The following IFNGR1 variants were observed in gnomAD, a reference collection of about 807,000 sequenced individuals.
IFNGR1 encodes the protein interferon gamma receptor 1, also known as AVP, type 2.
IFNGR1 carries 23 observed loss-of-function variants against 35.4 expected under a neutral mutation model. That is an observed-to-expected ratio of 0.65 (90% CI 0.47 to 0.92). IFNGR1 has a LOEUF of 0.92. Ranked by LOEUF, IFNGR1 falls within the 40% of genes least tolerant of loss-of-function variation. The pLI, the probability that IFNGR1 is intolerant of heterozygous loss-of-function variation, is 0.00. For missense variants in IFNGR1, 533 were observed against 583.4 expected (o/e 0.91, Z 0.89); for synonymous variants, 199 against 209.5 (o/e 0.95, Z 0.43).
chr6:137,211,501 A>G (rs186964780), intron 1 of IFNGR1, among the ~76,000 whole-genome samples: 21 of 152,080 alleles, frequency 1.4e-4, no homozygotes, highest in African/African-American at 4.8e-4. Context: ...TACTAACTTG[A>G]CCTTTTTGTG....
chr6:137,219,101 C>G, intron 1 of IFNGR1, 142 bp downstream of exon 1: 1 of 1,078,616 alleles, frequency 9.3e-7, no homozygotes, highest in Non-Finnish European at 1.3e-6. Context: ...CACCTCGCGT[C>G]CCCGTCGCCC....
intron 1 of IFNGR1, among the ~76,000 whole-genome samples, chr6:137,209,272 A>C (rs1174214647): frequency 1.3e-5 from 2 of 152,188 alleles, no homozygotes; most frequent in African/African-American, 4.8e-5. Context: ...TTTTGGGTTA[A>C]TGCTGAAATG....
chr6:137,214,074 A>C (rs1396875033), intron 1 of IFNGR1, among the ~76,000 whole-genome samples: 1 of 152,242 alleles, frequency 6.6e-6, no homozygotes, highest in Non-Finnish European at 1.5e-5. Flanking sequence ...ATTCTAAGTC[A>C]TCTGACACTA....
intron 6 of IFNGR1, among the ~76,000 whole-genome samples, chr6:137,199,891 AT>A (rs906283054): frequency 4.0e-5 from 6 of 151,810 alleles, no homozygotes; most frequent in Admixed American, 3.9e-4. Context: ...TTATGAAATT[AT>A]TTCCTTATAA....
At position 137,215,252 on chromosome 6, in the gene IFNGR1, T is replaced by G. The variant is rs1269380748; in HGVS notation, c.85+3991A>C. 3 of 1,544,740 alleles carry G rather than the reference T, an allele frequency of 1.9e-6. No individual in the cohort carries two copies. The South Asian group carries it at 3.6e-5, about 19-fold the overall frequency. On this transcript the variant is annotated intron_variant, in intron 1 of 6. Transcript: ENST00000367739. ...ACATCTTTGTGATCGTTTAATAAAA[T>G]AAGGGGTAAATTACCTCCATATTTA...
chr6:137,206,889 G>A, intron 2 of IFNGR1, 74 bp downstream of exon 2: 1 of 1,157,660 alleles, frequency 8.6e-7, no homozygotes, highest in South Asian at 1.3e-5. Flanking sequence ...GCTGATGAAA[G>A]AACACAGTTG....
At chr6:137,218,454 C>T (rs1779759762) in intron 1 of IFNGR1, 1 of 1,283,422 alleles carries the variant, frequency 7.8e-7, no homozygotes, top group African/African-American at 1.5e-5. Context: ...GACCTACTGC[C>T]AAATCTGCTA....
Position 137,204,340 on chromosome 6 carries a change from C to T in IFNGR1, c.538G>A (p.Gly180Arg), listed in dbSNP as rs137854904. 6.1e-4 allele frequency: 987 copies of T among 1,613,306 alleles called. 8 individuals carry two copies. The highest frequency in any genetic ancestry group is 5.5e-3 in the South Asian group (503 of 91,062). ...AAATGTGAAACACATACCTCACTTC[C>T]GTTCATTCTCACATACACATTGTAC... ...RVYNVYVRMN[G>R]SEIQYKILTQ... The change falls in exon 4 of 7, where the codon GGA becomes AGA. Residue 180 changes from glycine (G) to arginine (R), a missense_variant. Transcript: ENST00000367739.
intron 1 of IFNGR1, among the ~76,000 whole-genome samples, chr6:137,217,841 A>C (rs1779743909): frequency 6.6e-6 from 1 of 152,218 alleles, no homozygotes; most frequent in South Asian, 2.1e-4. Context: ...AAGCTCTCAC[A>C]CACACTTTAC....
intron 2 of IFNGR1, 104 bp from the exon 3 acceptor site, chr6:137,206,412 A>T: frequency 1.2e-6 from 1 of 839,010 alleles, no homozygotes; most frequent in Middle Eastern, 3.3e-4. Flanking sequence ...AAAGCGGTAG[A>T]AAGAGCAGAG....
At chr6:137,217,448 G>A (rs917062290) in intron 1 of IFNGR1, among the ~76,000 whole-genome samples, 4 of 152,120 alleles carry the variant, frequency 2.6e-5, no homozygotes, top group Non-Finnish European at 5.9e-5. Context: ...AACCCTCTAC[G>A]AGAATGTCCT....
At position 137,200,976 on chromosome 6, in the gene IFNGR1, G is replaced by A; in HGVS notation, c.766C>T (p.Leu256=). The A allele has an allele frequency of 6.2e-7, 1 of 1,613,326 alleles. No homozygotes were observed. The change falls in exon 6 of 7, where the codon CTA becomes TTA. Residue 256 remains leucine, a synonymous_variant. Transcript: ENST00000367739. ...SLWIPVVAAL[L]LFLVLSLVFI... is the part of the protein sequence containing the mutation. ...ACCAGGCTAAGCACTAGAAAGAGTA[G>A]TAAAGCAGCAACAACTGGAATCCAA...
Position 137,207,058 on chromosome 6 carries a change from A to T in IFNGR1, c.105T>A (p.Val35=). 1 of 1,614,058 alleles carries T rather than the reference A, an allele frequency of 6.2e-7. No homozygotes were observed. Among genetic ancestry groups the T allele is most frequent in the Non-Finnish European group, 8.5e-7 (1 of 1,179,922 alleles). Residue 35 remains valine (V), a synonymous_variant, in exon 2 of 7, where the codon GTT becomes GTA. Coordinates refer to ENST00000367739, the MANE Select transcript of IFNGR1 (RefSeq NM_000416.3). ...GPSSVPTPTN[V]TIESYNMNPI... ...GGTTCATGTTATAGGATTCAATTGTAACATTAGTTGGTGTAGGCACTGTAA... is the reference window on the plus strand; with the variant it reads ...GGTTCATGTTATAGGATTCAATTGTTACATTAGTTGGTGTAGGCACTGTAA...
intron 5 of IFNGR1, among the ~76,000 whole-genome samples, chr6:137,201,494 G>A (rs1453535919): frequency 1.3e-5 from 2 of 152,114 alleles, no homozygotes; most frequent in Non-Finnish European, 2.9e-5. Context: ...CCAACATGGT[G>A]AAACCCCATC....
chr6:137,208,967 G>C (rs1400898687), intron 1 of IFNGR1, among the ~76,000 whole-genome samples: 2 of 152,230 alleles, frequency 1.3e-5, no homozygotes, highest in African/African-American at 2.4e-5. Context: ...CACAGGGGCA[G>C]AGCTGCTCAA....
chr6:137,208,903 C>T (rs1779511712), intron 1 of IFNGR1, among the ~76,000 whole-genome samples: 2 of 152,184 alleles, frequency 1.3e-5, no homozygotes, highest in South Asian at 4.1e-4. Flanking sequence ...AAGCTGCAGA[C>T]ATTTGATGGC....
intron 2 of IFNGR1, 156 bp downstream of exon 2, chr6:137,206,807 T>C (rs1779440900): frequency 1.6e-6 from 1 of 623,258 alleles, no homozygotes; most frequent in Non-Finnish European, 2.8e-6. Flanking sequence ...AAGAAATATT[T>C]GGCAAAGAAT....
At chr6:137,219,098 C>G (rs1779781655) in intron 1 of IFNGR1, 145 bp downstream of exon 1, 2 of 1,028,876 alleles carry the variant, frequency 1.9e-6, no homozygotes, top group South Asian at 3.0e-5. Context: ...CCCCACCTCG[C>G]GTCCCCGTCG....
At chr6:137,217,890 C>G (rs149232138) in intron 1 of IFNGR1, among the ~76,000 whole-genome samples, 3 of 152,208 alleles carry the variant, frequency 2.0e-5, no homozygotes, top group African/African-American at 7.2e-5. Context: ...AACATGCTAT[C>G]ACACCTCTGC....
Sources: allele counts gnomAD v4.1 joint callset (sites outside exome capture counted in the v4.1 genomes callset), GRCh38; gene constraint gnomAD v4.1.1; transcripts MANE v1.5; gene names NCBI Gene and HGNC (gene_info 2026-07-23, HGNC 2026-07-21).